The following CNGB3 variants were observed in gnomAD, a reference collection of about 807,000 sequenced individuals.
CNGB3 encodes the protein cyclic nucleotide-gated channel beta-3.
In CNGB3, 86 loss-of-function variants were observed where a neutral mutation model predicts 92.8. That is an observed-to-expected ratio of 0.93 (90% CI 0.78 to 1.11). The LOEUF is 1.11. Among genes scored for constraint, CNGB3 ranks in the 50% least tolerant of loss-of-function variants. CNGB3 has a pLI of 0.00. For missense variants in CNGB3, 1,026 were observed against 956.8 expected (o/e 1.07, Z -0.95); for synonymous variants, 333 against 332.7 (o/e 1.00, Z -0.01).
intron 6 of CNGB3, among the ~76,000 whole-genome samples, chr8:86,664,351 C>T (rs1823700856): frequency 6.6e-6 from 1 of 152,220 alleles, no homozygotes; most frequent in African/African-American, 2.4e-5. Flanking sequence ...GATTAAGCGA[C>T]CTAACTGTCT....
At chr8:86,729,605 A>G (rs1356340269) in intron 2 of CNGB3, among the ~76,000 whole-genome samples, 2 of 152,178 alleles carry the variant, frequency 1.3e-5, no homozygotes, top group African/African-American at 4.8e-5. Context: ...GTTATTTCCT[A>G]TTCTTGGCTT....
At chr8:86,667,246 A>G in intron 5 of CNGB3, 113 bp from the exon 6 acceptor site, 1 of 870,092 alleles carries the variant, frequency 1.1e-6, no homozygotes, top group Non-Finnish European at 1.9e-6. Context: ...AATTTGCCAT[A>G]GGAGGCTCTA....
intron 15 of CNGB3, 115 bp downstream of exon 15, chr8:86,603,978 C>T (rs1465075856): frequency 2.7e-6 from 2 of 737,322 alleles, no homozygotes; most frequent in African/African-American, 3.5e-5. Flanking sequence ...TTTACGAATG[C>T]TCTCAGCACA....
rs552725418 is a variant in CNGB3, at chr8:86,648,987, T to C, written c.904-1100A>G. ...TGTGAAATCAATGTACACAAATCAG[T>C]AGCACTGCTATACACCAATACACAT... On this transcript the variant is annotated intron_variant, in intron 7 of 17. Transcript: ENST00000320005. 2.4e-4 allele frequency among the ~76,000 whole-genome samples: 37 copies of C among 151,514 alleles called. No individual in the cohort carries two copies. In the Middle Eastern group the frequency reaches 0.014, roughly 56 times the overall value.
chr8:86,605,586 G>T (rs933016245), intron 14 of CNGB3, among the ~76,000 whole-genome samples: 2 of 152,082 alleles, frequency 1.3e-5, no homozygotes, highest in Non-Finnish European at 2.9e-5. Flanking sequence ...ATCAACTCGA[G>T]ATTAAAAGAT....
chr8:86,617,298 T>C (rs981943089), intron 13 of CNGB3, among the ~76,000 whole-genome samples: 4 of 152,212 alleles, frequency 2.6e-5, no homozygotes, highest in African/African-American at 9.6e-5. Context: ...CTGCTTTCTT[T>C]GAAACAGAAC....
chr8:86,606,935 A>C (rs542048707), intron 14 of CNGB3, among the ~76,000 whole-genome samples: 1 of 152,328 alleles, frequency 6.6e-6, no homozygotes, highest in South Asian at 2.1e-4. Context: ...TGAAATAGCC[A>C]TGAATGAATT....
chr8:86,589,410 A>C (rs866551015), intron 15 of CNGB3, among the ~76,000 whole-genome samples: 1 of 150,338 alleles, frequency 6.7e-6, no homozygotes, highest in South Asian at 2.1e-4. Context: ...TTGCTTCTCT[A>C]GTTCTTTTAA....
chr8:86,593,703 G>T, intron 15 of CNGB3: 1 of 784,578 alleles, frequency 1.3e-6, no homozygotes, highest in Non-Finnish European at 2.1e-6. Flanking sequence ...GGCACGCTGA[G>T]GGCCAGGCCT....
intron 12 of CNGB3, 122 bp downstream of exon 12, chr8:86,628,797 T>C: frequency 9.3e-7 from 1 of 1,070,558 alleles, no homozygotes; most frequent in Admixed American, 1.7e-5. Flanking sequence ...AACGAATGCT[T>C]TAAGGATCAT....
At chr8:86,578,890 T>C in intron 16 of CNGB3, 27 bp from the exon 17 acceptor site, 1 of 1,614,106 alleles carries the variant, frequency 6.2e-7, no homozygotes. Context: ...AAAGCTGTTT[T>C]AGGTAACTCT....
At chr8:86,602,888 C>T (rs1169915106) in intron 15 of CNGB3, among the ~76,000 whole-genome samples, 1 of 152,198 alleles carries the variant, frequency 6.6e-6, no homozygotes, top group Non-Finnish European at 1.5e-5. Flanking sequence ...AAATTCCTAT[C>T]ATGGCGTAAA....
intron 6 of CNGB3, chr8:86,658,545 T>C (rs1823565690): frequency 2.3e-5 from 8 of 348,266 alleles, no homozygotes; most frequent in Non-Finnish European, 4.4e-5. Flanking sequence ...TAACTGCTTG[T>C]GGAGCTCCTT....
intron 14 of CNGB3, among the ~76,000 whole-genome samples, chr8:86,611,157 T>C (rs567807619): frequency 8.5e-5 from 13 of 152,290 alleles, no homozygotes; most frequent in East Asian, 7.7e-4. Flanking sequence ...TTTGTAATCA[T>C]AAAAAGCACA....
intron 13 of CNGB3, 84 bp downstream of exon 13, chr8:86,625,899 A>C (rs1481686601): frequency 8.7e-7 from 1 of 1,149,478 alleles, no homozygotes; most frequent in Non-Finnish European, 1.3e-6. Flanking sequence ...ATAAGGCAAA[A>C]AAACTCATAA....
chr8:86,683,409 G>A (rs944312505), intron 3 of CNGB3, among the ~76,000 whole-genome samples: 8 of 152,096 alleles, frequency 5.3e-5, no homozygotes, highest in African/African-American at 1.9e-4. Flanking sequence ...ACCACTAAAT[G>A]AAGGATAATG....
intron 13 of CNGB3, among the ~76,000 whole-genome samples, chr8:86,614,282 C>A (rs981155830): frequency 2.2e-4 from 33 of 152,022 alleles, no homozygotes; most frequent in African/African-American, 7.7e-4. Flanking sequence ...CCCCACTGAC[C>A]CCCAGAGCCC....
intron 10 of CNGB3, among the ~76,000 whole-genome samples, chr8:86,633,225 C>T (rs554568642): frequency 2.6e-5 from 4 of 152,130 alleles, no homozygotes; most frequent in Non-Finnish European, 5.9e-5. Flanking sequence ...CCATGATGAC[C>T]GGGCCCTCAG....
chr8:86,735,035 G>T lies in CNGB3; in HGVS notation c.211+4620C>A, dbSNP rs1344703555. ...ATTCGGGCATGTCAAATTCTCAAATGCCGGTGGTTTTTTTTTTTTTTTTTT... is the reference window on the plus strand; with the variant it reads ...ATTCGGGCATGTCAAATTCTCAAATTCCGGTGGTTTTTTTTTTTTTTTTTT... On this transcript the variant is annotated intron_variant, in intron 2 of 17. Coordinates refer to ENST00000320005, the MANE Select transcript of CNGB3 (RefSeq NM_019098.5). Among the ~76,000 whole-genome samples, 2 of 123,554 alleles carry T rather than the reference G, an allele frequency of 1.6e-5. 1 individual carries two copies. Among genetic ancestry groups the T allele is most frequent in the Non-Finnish European group, 3.2e-5 (2 of 62,612 alleles). 81.1% of individuals were successfully genotyped at this position (123,554 alleles called of 152,430 possible).
Sources: gnomAD v4.1 joint callset for allele counts (sites outside exome capture counted in the v4.1 genomes callset) on GRCh38, gnomAD v4.1.1 for gene constraint, MANE v1.5 for transcripts, NCBI Gene and HGNC (gene_info 2026-07-23, HGNC 2026-07-21) for gene names.